IGF2BP3: variants seen among roughly 807,000 people sequenced by gnomAD.
The protein encoded by IGF2BP3 is insulin-like growth factor 2 mRNA-binding protein 3.
A neutral mutation model predicts 73.8 loss-of-function variants in IGF2BP3; 9 were observed. The ratio of observed to expected loss-of-function variants is 0.12; its 90% CI spans 0.07 to 0.21. IGF2BP3 has a LOEUF of 0.21. IGF2BP3 is among the 10% of genes least tolerant of loss of function. IGF2BP3 has a pLI of 1.00. For synonymous variants in IGF2BP3, 258 were observed against 256.7 expected, an observed-to-expected ratio of 1.01 and a Z score of -0.05; for missense variants, 542 against 714.0, an observed-to-expected ratio of 0.76 and a Z score of 2.75.
In IGF2BP3 at chr7:23,319,168, C is replaced by A; in HGVS notation, c.1290G>T (p.Gln430His). ...IIGKQGQHIK[Q>H]LSRFAGASIK... Reference sequence around the variant, plus strand: ...TTGAAGCTCCAGCAAAGCGAGAAAGCTGCTTGATGTGCTGGCCCTGCTTGC... The same window carrying A: ...TTGAAGCTCCAGCAAAGCGAGAAAGATGCTTGATGTGCTGGCCCTGCTTGC... The change falls in exon 11 of 15, where the codon CAG becomes CAT. Residue 430 changes from glutamine to histidine, a missense_variant. Gln to His is a conservative substitution (Grantham distance 24, BLOSUM62 0). Coordinates refer to ENST00000258729, the MANE Select transcript of IGF2BP3 (RefSeq NM_006547.3). 6.2e-7 allele frequency: 1 copy of A among 1,613,592 alleles called. No homozygotes were observed. Among genetic ancestry groups the A allele is most frequent in the Non-Finnish European group, 8.5e-7 (1 of 1,179,612 alleles).
Position 23,432,286 on chromosome 7 carries a change from A to G in IGF2BP3, c.237-13462T>C, listed in dbSNP as rs1435549531. Among the ~76,000 whole-genome samples the G allele has an allele frequency of 5.9e-5, 9 of 152,208 alleles. No individual in the cohort carries two copies. In the East Asian group the frequency reaches 1.5e-3, roughly 26 times the overall value. ...TTTTTCTACGTACTCTCTTACTACT[A>G]TTGTTTGCTTGCATTTACACACTGC... On this transcript the variant is annotated intron_variant, in intron 2 of 14. Coordinates refer to ENST00000258729, the MANE Select transcript of IGF2BP3 (RefSeq NM_006547.3).
chr7:23,369,129 C>T (rs903784459), intron 3 of IGF2BP3, among the ~76,000 whole-genome samples: 1 of 152,138 alleles, frequency 6.6e-6, no homozygotes, highest in African/African-American at 2.4e-5. Context: ...CTTTGTGTGA[C>T]AAAATGGTGA....
intron 2 of IGF2BP3, among the ~76,000 whole-genome samples, chr7:23,445,956 C>T (rs1427561475): frequency 6.6e-6 from 1 of 151,898 alleles, no homozygotes; most frequent in Non-Finnish European, 1.5e-5. Flanking sequence ...TAAAGCTGCT[C>T]GTCTAAAATG....
intron 3 of IGF2BP3, among the ~76,000 whole-genome samples, chr7:23,387,063 C>CAAAA (rs554283709): frequency 2.2e-5 from 2 of 90,908 alleles, no homozygotes; most frequent in South Asian, 3.5e-4. Flanking sequence ...AAGACTCTGT[C>CAAAA]AAAAAAAAAA....
chr7:23,434,758 T>G (rs1194734097), intron 2 of IGF2BP3, among the ~76,000 whole-genome samples: 1 of 152,206 alleles, frequency 6.6e-6, no homozygotes, highest in Non-Finnish European at 1.5e-5. Flanking sequence ...AAATTGTTCC[T>G]GATTACTAAG....
intron 6 of IGF2BP3, among the ~76,000 whole-genome samples, chr7:23,348,690 T>C (rs183930716): frequency 6.6e-6 from 1 of 152,230 alleles, no homozygotes; most frequent in East Asian, 1.9e-4. Context: ...TAGATGCTAG[T>C]AGCATGCCTC....
chr7:23,380,037 G>A (rs73281618), intron 3 of IGF2BP3, among the ~76,000 whole-genome samples: 7,737 of 151,862 alleles, frequency 0.051, 678 homozygotes, highest in African/African-American at 0.18. Flanking sequence ...GTCGTAACTT[G>A]GTAATGTCTT....
At chr7:23,462,486 C>T (rs944603195) in intron 2 of IGF2BP3, among the ~76,000 whole-genome samples, 1 of 152,070 alleles carries the variant, frequency 6.6e-6, no homozygotes. Flanking sequence ...CTCAGCCTAC[C>T]GCGTAGCTGG....
intron 12 of IGF2BP3, among the ~76,000 whole-genome samples, chr7:23,314,874 T>G (rs1298427845): frequency 6.6e-6 from 1 of 152,110 alleles, no homozygotes; most frequent in African/African-American, 2.4e-5. Context: ...TTCGGCTTAC[T>G]GCAACCTCCG....
At chr7:23,374,289 C>T (rs145918915) in intron 3 of IGF2BP3, among the ~76,000 whole-genome samples, 11 of 152,238 alleles carry the variant, frequency 7.2e-5, no homozygotes, top group Non-Finnish European at 1.5e-4. Flanking sequence ...AGTCATCCCT[C>T]GGTATCTGTG....
At chr7:23,386,994 G>C (rs1025335090) in intron 3 of IGF2BP3, among the ~76,000 whole-genome samples, 1 of 151,722 alleles carries the variant, frequency 6.6e-6, no homozygotes, top group African/African-American at 2.4e-5. Context: ...TTGAACCTGG[G>C]AGGTGGAGGT....
intron 3 of IGF2BP3, among the ~76,000 whole-genome samples, chr7:23,402,054 C>G (rs1433348455): frequency 6.7e-6 from 1 of 148,278 alleles, no homozygotes; most frequent in Non-Finnish European, 1.5e-5. Flanking sequence ...GAGGCAGAGG[C>G]TGCAGTGAGC....
At chr7:23,444,205 G>A (rs1021812453) in intron 2 of IGF2BP3, among the ~76,000 whole-genome samples, 2 of 151,930 alleles carry the variant, frequency 1.3e-5, no homozygotes, top group African/African-American at 2.4e-5. Flanking sequence ...CATCATAATT[G>A]GGGTAAACCA....
Position 23,407,361 on chromosome 7 carries a change from C to T in IGF2BP3, c.285+11415G>A, listed in dbSNP as rs886593841. 8.5e-4 allele frequency among the ~76,000 whole-genome samples: 128 copies of T among 151,216 alleles called. 2 individuals are homozygous for T. The highest frequency in any genetic ancestry group is 3.1e-3 in the African/African-American group (127 of 41,290). On this transcript the variant is annotated intron_variant, in intron 3 of 14. Transcript: ENST00000258729. The stretch of plus-strand genomic sequence containing the variant: ...TGGTGGTTCATGCCTGTAATCCCAG[C>T]ACTTTGGGAGGCCGAGGCAAATGGA...
At chr7:23,460,822 G>C (rs544692569) in intron 2 of IGF2BP3, among the ~76,000 whole-genome samples, 1 of 152,032 alleles carries the variant, frequency 6.6e-6, no homozygotes, top group African/African-American at 2.4e-5. Context: ...ATGGTGGTGC[G>C]CACCTGTAGT....
rs1583919934 is a variant in IGF2BP3 at position 23,350,837 on chromosome 7, T to C, written c.683+468A>G. 2.6e-5 allele frequency among the ~76,000 whole-genome samples: 4 copies of C among 152,218 alleles called. No individual in the cohort carries two copies. The South Asian group carries it at 8.3e-4, about 32-fold the overall frequency. On this transcript the variant is annotated intron_variant, in intron 6 of 14. Coordinates refer to ENST00000258729, the MANE Select transcript of IGF2BP3 (RefSeq NM_006547.3). ...AGAAGAAAAAGCCATTCTAATTACA[T>C]GGCTTAATCAGAGGAAAAATTCGGA... is the stretch of plus-strand genomic sequence containing the variant.
intron 2 of IGF2BP3, among the ~76,000 whole-genome samples, chr7:23,460,876 G>A (rs929282140): frequency 1.3e-5 from 2 of 152,202 alleles, no homozygotes; most frequent in East Asian, 1.9e-4. Flanking sequence ...TCTTGAACCC[G>A]GGAGGCGGAG....
Position 23,431,639 on chromosome 7 carries a change from G to GA in IGF2BP3, c.237-12816dup, listed in dbSNP as rs373024360. Among the ~76,000 whole-genome samples the GA allele has an allele frequency of 1.6e-3, 229 of 146,080 alleles. 2 individuals are homozygous for GA. In the South Asian group the frequency reaches 0.031, roughly 20 times the overall value. On this transcript the variant is annotated intron_variant, in intron 2 of 14. Coordinates refer to ENST00000258729, the MANE Select transcript of IGF2BP3 (RefSeq NM_006547.3). ...GAACTGAACAGGAGGAAGGAAGGGG[G>GA]AAAAAAAAAAGATTACAAGGTCCCC...
intron 2 of IGF2BP3, among the ~76,000 whole-genome samples, chr7:23,464,769 G>C (rs1788526803): frequency 6.6e-6 from 1 of 151,132 alleles, no homozygotes; most frequent in Non-Finnish European, 1.5e-5. Context: ...AAAAGGTAAA[G>C]GATCCTGCCT....
Sources: gnomAD v4.1 joint callset for allele counts (sites outside exome capture counted in the v4.1 genomes callset) on GRCh38, gnomAD v4.1.1 for gene constraint, MANE v1.5 for transcripts, NCBI Gene and HGNC (gene_info 2026-07-23, HGNC 2026-07-21) for gene names.